Variants in CNTN4 observed in about 807,000 individuals in gnomAD.
The protein encoded by CNTN4 is contactin 4.
A neutral mutation model predicts 122.5 loss-of-function variants in CNTN4; 77 were observed. The observed-to-expected ratio is 0.63, with a 90% CI of 0.52 to 0.76. The LOEUF (loss-of-function observed/expected upper bound fraction) is 0.76. Ranked by LOEUF, CNTN4 falls within the 30% of genes least tolerant of loss-of-function variation. The pLI, the probability that CNTN4 is intolerant of heterozygous loss-of-function variation, is 0.00. For missense variants in CNTN4, 1,256 were observed against 1,259.1 expected (o/e 1.00, Z 0.04); for synonymous variants, 512 against 447.0 (o/e 1.15, Z -1.83).
chr3:2,439,995 A>G (rs2048377512), intron 3 of CNTN4, among the ~76,000 whole-genome samples: 1 of 152,222 alleles, frequency 6.6e-6, no homozygotes, highest in Non-Finnish European at 1.5e-5. Flanking sequence ...AGCCTCTGGC[A>G]ATAAGTAAAT....
intron 7 of CNTN4, among the ~76,000 whole-genome samples, chr3:2,858,993 G>A (rs2093645694): frequency 6.6e-6 from 1 of 152,134 alleles, no homozygotes; most frequent in African/African-American, 2.4e-5. Flanking sequence ...TTGTACAATA[G>A]CTCTCTTGAA....
At chr3:2,928,684 C>G (rs189893534) in intron 13 of CNTN4, among the ~76,000 whole-genome samples, 342 of 152,326 alleles carry the variant, frequency 2.2e-3, no homozygotes, top group Admixed American at 8.8e-3. Flanking sequence ...TGAAACAACA[C>G]TTTATGATCA....
intron 3 of CNTN4, among the ~76,000 whole-genome samples, chr3:2,419,556 C>T (rs762735008): frequency 5.3e-5 from 8 of 152,020 alleles, no homozygotes; most frequent in Non-Finnish European, 1.2e-4. Context: ...GGTAACATTG[C>T]GAATAGTGAA....
At chr3:2,499,135 A>G (rs1460928062) in intron 3 of CNTN4, among the ~76,000 whole-genome samples, 2 of 152,152 alleles carry the variant, frequency 1.3e-5, no homozygotes, top group African/African-American at 4.8e-5. Context: ...GCCTAACCCT[A>G]GATCTTGAAG....
At position 2,456,994 on chromosome 3, in the gene CNTN4, C is replaced by T. The variant is rs73804593; in HGVS notation, c.-88-114422C>T. The stretch of plus-strand genomic sequence containing the variant: ...GAATACTATTATTATCTCTGTTTTA[C>T]GAATGAGGAAATGGATTCACAGAGA... On this transcript the variant is annotated intron_variant, in intron 3 of 24. Coordinates refer to ENST00000418658, the MANE Select transcript of CNTN4 (RefSeq NM_175607.3). Among the ~76,000 whole-genome samples, 791 of 152,134 alleles carry T rather than the reference C, an allele frequency of 5.2e-3. 8 individuals are homozygous for T. The highest frequency in any genetic ancestry group is 0.018 in the African/African-American group (729 of 41,506).
At chr3:2,820,735 AT>A (rs969368710) in intron 7 of CNTN4, among the ~76,000 whole-genome samples, 4 of 152,018 alleles carry the variant, frequency 2.6e-5, no homozygotes, top group Non-Finnish European at 4.4e-5. Flanking sequence ...CACTCAGGAA[AT>A]TACAAGGGTT....
chr3:3,031,411 C>T (rs985134269), intron 16 of CNTN4, among the ~76,000 whole-genome samples: 1 of 152,140 alleles, frequency 6.6e-6, no homozygotes, highest in Non-Finnish European at 1.5e-5. Flanking sequence ...TCCGAGTTTC[C>T]TTTTTTCCCT....
chr3:2,925,533 A>G lies in CNTN4; in HGVS notation c.1208-96A>G, dbSNP rs993402022. The G allele has an allele frequency of 2.3e-5, 31 of 1,350,532 alleles. No individual in the cohort carries two copies. The African/African-American group carries it at 3.5e-4, about 15-fold the overall frequency. 83.7% of individuals were successfully genotyped at this position (1,350,532 alleles called of 1,614,324 possible). On this transcript the variant is annotated intron_variant, in intron 12 of 24. Transcript: ENST00000418658. ...GCACCACTGCACTGGCAACAGAGCA[A>G]GACTCTGTCTCAAAAAAGAAAGAAA...
chr3:2,670,692 T>C (rs1401809297), intron 4 of CNTN4, among the ~76,000 whole-genome samples: 2 of 152,212 alleles, frequency 1.3e-5, no homozygotes, highest in African/African-American at 2.4e-5. Flanking sequence ...CTAGCCTCGA[T>C]GGTCTTTACA....
At chr3:2,370,768 A>G (rs2045599216) in intron 3 of CNTN4, among the ~76,000 whole-genome samples, 1 of 152,180 alleles carries the variant, frequency 6.6e-6, no homozygotes, top group Admixed American at 6.5e-5. Flanking sequence ...ATATAATTTT[A>G]GAGATTTATC....
intron 7 of CNTN4, among the ~76,000 whole-genome samples, chr3:2,849,398 T>C (rs957696341): frequency 1.3e-5 from 2 of 152,230 alleles, no homozygotes; most frequent in African/African-American, 2.4e-5. Flanking sequence ...TTACAAATGA[T>C]TAAAATGGTA....
chr3:2,201,906 A>T lies in CNTN4; in HGVS notation c.-145+101267A>T, dbSNP rs561116449. On this transcript the variant is annotated intron_variant, in intron 2 of 24. Coordinates refer to ENST00000418658, the MANE Select transcript of CNTN4 (RefSeq NM_175607.3). ...ATGCATGATTTGGTTCATTTAAAAA[A>T]ATCTTACTTATCTTCTTTTCCCAAT... 4.6e-5 allele frequency among the ~76,000 whole-genome samples: 7 copies of T among 152,282 alleles called. No homozygotes were observed. The East Asian group carries it at 1.4e-3, about 29-fold the overall frequency.
intron 2 of CNTN4, among the ~76,000 whole-genome samples, chr3:2,153,707 T>C (rs2035593107): frequency 6.6e-6 from 1 of 152,164 alleles, no homozygotes; most frequent in Admixed American, 6.5e-5. Flanking sequence ...ATTTGTCTTT[T>C]AGATATTGCT....
intron 3 of CNTN4, among the ~76,000 whole-genome samples, chr3:2,378,436 A>G (rs1049092529): frequency 1.3e-5 from 2 of 152,174 alleles, no homozygotes; most frequent in Non-Finnish European, 2.9e-5. Flanking sequence ...TTTTTTGGCC[A>G]TGCACAGGGG....
At chr3:2,504,957 G>C (rs1445967374) in intron 3 of CNTN4, among the ~76,000 whole-genome samples, 2 of 152,138 alleles carry the variant, frequency 1.3e-5, no homozygotes, top group Non-Finnish European at 2.9e-5. Flanking sequence ...ATTAGATCTT[G>C]GGTCACAGAA....
rs546371513 is a variant in CNTN4 at position 2,483,558 on chromosome 3, T to G, written c.-88-87858T>G. Reference sequence around the variant, plus strand: ...GTTTCCACCCAAACTTCATCTTGAGTTGTAATCCCATAATTCCCATGTGTT... The same window carrying G: ...GTTTCCACCCAAACTTCATCTTGAGGTGTAATCCCATAATTCCCATGTGTT... On this transcript the variant is annotated intron_variant, in intron 3 of 24. Coordinates refer to ENST00000418658, the MANE Select transcript of CNTN4 (RefSeq NM_175607.3). Among the ~76,000 whole-genome samples the G allele has an allele frequency of 3.0e-3, 461 of 152,274 alleles. 1 individual carries two copies. Among genetic ancestry groups the G allele is most frequent in the African/African-American group, 0.011 (446 of 41,552 alleles).
chr3:2,327,804 C>T (rs2043522855), intron 2 of CNTN4, among the ~76,000 whole-genome samples: 1 of 152,144 alleles, frequency 6.6e-6, no homozygotes, highest in African/African-American at 2.4e-5. Context: ...TCTGATTACT[C>T]ATGTAGAATC....
chr3:3,034,153 C>A (rs1284649776), intron 16 of CNTN4, among the ~76,000 whole-genome samples: 1 of 147,686 alleles, frequency 6.8e-6, no homozygotes, highest in Non-Finnish European at 1.5e-5. Flanking sequence ...AGTTTTAAAG[C>A]CATTTGTGCT....
intron 7 of CNTN4, among the ~76,000 whole-genome samples, chr3:2,836,493 T>C (rs954367683): frequency 6.6e-6 from 1 of 152,138 alleles, no homozygotes; most frequent in Admixed American, 6.6e-5. Flanking sequence ...TATTAACTCA[T>C]TTAACCCTTA....
Sources: gnomAD v4.1 joint callset for allele counts (sites outside exome capture counted in the v4.1 genomes callset) on GRCh38, gnomAD v4.1.1 for gene constraint, MANE v1.5 for transcripts, NCBI Gene and HGNC (gene_info 2026-07-23, HGNC 2026-07-21) for gene names.